Variants in SLC61A1 observed in about 807,000 individuals in gnomAD.
SLC61A1 encodes solute carrier family 61 member 1, also known as major facilitator superfamily domain containing 5.
the SLC61A1 span, chr12:53,252,977 G>C: frequency 6.2e-7 from 1 of 1,614,182 alleles, no homozygotes; most frequent in Non-Finnish European, 8.5e-7. Context: ...CTTCTATCAG[G>C]TCTACTTCCT....
At chr12:53,251,816 C>T in the SLC61A1 span, 1 of 1,537,178 alleles carries the variant, frequency 6.5e-7, no homozygotes, top group South Asian at 1.2e-5. Context: ...TAGGAAGCTC[C>T]AACCCTTGGC....
chr12:53,252,617 C>A, the SLC61A1 span: 1 of 1,210,152 alleles, frequency 8.3e-7, no homozygotes, highest in Non-Finnish European at 1.1e-6. Flanking sequence ...TGTCTTCTTA[C>A]CCCTCCCTGC....
At chr12:53,253,015 C>T in the SLC61A1 span, 9 of 1,614,070 alleles carry the variant, frequency 5.6e-6, no homozygotes, top group South Asian at 1.1e-5. Flanking sequence ...GGCTTCAGGC[C>T]CCCTACCTCT....
chr12:53,253,903 AT>A, the SLC61A1 span: 1 of 1,614,170 alleles, frequency 6.2e-7, no homozygotes, highest in Non-Finnish European at 8.5e-7. Flanking sequence ...CTTGTGGATT[AT>A]ACTTTCCCAG....
chr12:53,253,369 C>T, the SLC61A1 span: 3 of 1,614,254 alleles, frequency 1.9e-6, no homozygotes, highest in Non-Finnish European at 2.5e-6. Context: ...CCTTCTGGAA[C>T]CATGTGCTGG....
chr12:53,252,775 C>A, the SLC61A1 span: 1 of 1,590,660 alleles, frequency 6.3e-7, no homozygotes, highest in South Asian at 1.1e-5. Flanking sequence ...GACCGTGCTG[C>A]CCGAAGGATG....
chr12:53,252,521 G>T, the SLC61A1 span: 1 of 1,368,340 alleles, frequency 7.3e-7, no homozygotes, highest in African/African-American at 1.5e-5. Context: ...CTGTGGGAAA[G>T]GGCAGTAGAA....
chr12:53,253,067 G>A, the SLC61A1 span: 2 of 1,614,238 alleles, frequency 1.2e-6, no homozygotes, highest in Non-Finnish European at 8.5e-7. Flanking sequence ...AGGTCAAATT[G>A]CCATCCTCTA....
the SLC61A1 span, chr12:53,254,341 AAAG>A: frequency 1.1e-6 from 1 of 938,400 alleles, no homozygotes; most frequent in South Asian, 1.8e-5. Flanking sequence ...GATGGACTGG[AAAG>A]AAGGTGCCAA....
the SLC61A1 span, chr12:53,252,171 G>A: frequency 4.9e-6 from 7 of 1,425,214 alleles, no homozygotes; most frequent in African/African-American, 4.4e-5. Flanking sequence ...CGGGAGCGCT[G>A]CTGGAACCCG....
chr12:53,252,123 A>G, the SLC61A1 span: 1 of 1,445,802 alleles, frequency 6.9e-7, no homozygotes, highest in Admixed American at 2.8e-5. Flanking sequence ...GGCGGCGGCC[A>G]GAGGCCTGCC....
At chr12:53,252,520 A>C in the SLC61A1 span, 1 of 1,359,244 alleles carries the variant, frequency 7.4e-7, no homozygotes, top group Non-Finnish European at 9.5e-7. Context: ...GCTGTGGGAA[A>C]GGGCAGTAGA....
At chr12:53,254,354 A>G in the SLC61A1 span, 1 of 772,068 alleles carries the variant, frequency 1.3e-6, no homozygotes, top group Non-Finnish European at 2.1e-6. Flanking sequence ...GAAGGTGCCA[A>G]AAGTTCCCTC....
chr12:53,251,336 G>T, the SLC61A1 span: 1 of 184,244 alleles, frequency 5.4e-6, no homozygotes. Context: ...AGAGGACAGA[G>T]GGTCTTGTAG....
At chr12:53,251,865 GAAGAA>G in the SLC61A1 span, 1 of 1,537,302 alleles carries the variant, frequency 6.5e-7, no homozygotes, top group Non-Finnish European at 8.7e-7. Flanking sequence ...GCACTGCACG[GAAGAA>G]AAGAAAATTG....
At chr12:53,253,379 G>T in the SLC61A1 span, 1 of 1,614,256 alleles carries the variant, frequency 6.2e-7, no homozygotes, top group Non-Finnish European at 8.5e-7. Flanking sequence ...CCATGTGCTG[G>T]CTGTAGTGGC....
At chr12:53,251,336 G>C in the SLC61A1 span, 41 of 184,126 alleles carry the variant, frequency 2.2e-4, no homozygotes, top group Non-Finnish European at 3.8e-4. Flanking sequence ...AGAGGACAGA[G>C]GGTCTTGTAG....
At chr12:53,251,547 T>C in the SLC61A1 span, 2 of 603,042 alleles carry the variant, frequency 3.3e-6, no homozygotes, top group Admixed American at 3.3e-5. Context: ...CCTTCTTTAT[T>C]TGGGCATTGC....
the SLC61A1 span, chr12:53,253,680 G>T: frequency 1.9e-6 from 3 of 1,613,988 alleles, no homozygotes; most frequent in East Asian, 2.2e-5. Context: ...GCCCCTCTGG[G>T]CATTATCTTC....
Sources: gnomAD v4.1 joint callset for allele counts on GRCh38, gnomAD v4.1.1 for gene constraint, MANE v1.5 for transcripts, NCBI Gene and HGNC (gene_info 2026-07-23, HGNC 2026-07-21) for gene names.